The following ABCF2 variants were observed in gnomAD, a reference collection of about 807,000 sequenced individuals.
ABCF2 encodes ATP binding cassette subfamily F member 2, also known as ATP-binding cassette sub-family F member 2.
Under a neutral mutation model 76.9 loss-of-function variants are expected in ABCF2, and 37 were observed. That is an observed-to-expected ratio of 0.48 (90% CI 0.37 to 0.63). The LOEUF is 0.63. ABCF2 is among the 30% of genes least tolerant of loss of function. The probability of loss-of-function intolerance (pLI) is 0.00; values close to 1 mark genes in which losing one functional copy is unlikely to be tolerated. For synonymous variants in ABCF2, 299 were observed against 283.7 expected (o/e 1.05, Z -0.54); for missense variants, 524 against 782.1 (o/e 0.67, Z 3.94).
Position 151,216,051 on chromosome 7 carries a change from C to T in ABCF2, c.1339-22G>A, listed in dbSNP as rs148118733. ...GTAGCTAGGAAGAAAAAAGTAGAAA[C>T]GTAAGCATGAAACAAAGGAAGCCCA... On this transcript the variant is annotated intron_variant, in intron 11 of 14. Transcript: ENST00000287844. The T allele has an allele frequency of 9.0e-5, 144 of 1,608,920 alleles. No homozygotes were observed. In the African/African-American group the frequency reaches 9.8e-4, roughly 11 times the overall value.
chr7:151,225,258 G>A (rs1286846237), intron 2 of ABCF2, among the ~76,000 whole-genome samples: 1 of 152,122 alleles, frequency 6.6e-6, no homozygotes, highest in Non-Finnish European at 1.5e-5. Flanking sequence ...TGACTTTATT[G>A]CTCTTTCTAA....
Position 151,212,006 on chromosome 7 carries a change from TTCCC to T in ABCF2, c.*2044_*2047del. ...TTCTGGGCAGCTACTCACAAGAAAT[TTCCC>T]TCCTTTTTGAATACTTCTGTCTCCT... On this transcript the variant is annotated 3_prime_UTR_variant, in exon 15 of 15. Transcript: ENST00000287844. The T allele has an allele frequency of 2.1e-6, 2 of 964,660 alleles. No individual in the cohort carries two copies. Among genetic ancestry groups the T allele is most frequent in the Non-Finnish European group, 2.5e-6 (2 of 811,080 alleles). The allele number at this position is 964,660 out of a possible 1,614,324, so 59.8% of individuals were successfully genotyped here.
chr7:151,215,124 C>A lies in ABCF2; in HGVS notation c.1531-42G>T. The A allele has an allele frequency of 6.5e-7, 1 of 1,539,336 alleles. No homozygotes were observed. The highest frequency in any genetic ancestry group is 2.4e-5 in the East Asian group (1 of 42,516). On this transcript the variant is annotated intron_variant, in intron 13 of 14. Transcript: ENST00000287844. This position sits in a 1 kb window ranked among gnomAD's most constrained non-coding sequence, Gnocchi z 4.6. ...CCTACATATAACTTGGCATTATCCC[C>A]GCCAAACAGCACAGCTCATCTCTCC...
In ABCF2 at chr7:151,212,316, T is replaced by G; in HGVS notation, c.*1738A>C. 1 of 985,296 alleles carries G rather than the reference T, an allele frequency of 1.0e-6. No homozygotes were observed. Among genetic ancestry groups the G allele is most frequent in the South Asian group, 4.7e-5 (1 of 21,284 alleles). The allele number at this position is 985,296 out of a possible 1,614,324, so 61.0% of individuals were successfully genotyped here. ...AGATAAGGTATGCAGAGCCCTGGGC[T>G]GGAAGTGAATTCAACAGTGATGATA... On this transcript the variant is annotated 3_prime_UTR_variant, in exon 15 of 15. Transcript: ENST00000287844.
intron 5 of ABCF2, among the ~76,000 whole-genome samples, chr7:151,223,194 A>G (rs776528275): frequency 8.6e-5 from 13 of 152,044 alleles, no homozygotes; most frequent in Non-Finnish European, 1.3e-4. Flanking sequence ...TTCACAGAGA[A>G]TGATGGGGCA....
intron 2 of ABCF2, among the ~76,000 whole-genome samples, chr7:151,225,328 C>T (rs910779313): frequency 1.3e-5 from 2 of 152,160 alleles, no homozygotes; most frequent in Non-Finnish European, 2.9e-5. Flanking sequence ...GACTAATTCT[C>T]CTTTCCTCTT....
Position 151,212,091 on chromosome 7 carries a change from CT to C in ABCF2, c.*1962del. On this transcript the variant is annotated 3_prime_UTR_variant, in exon 15 of 15. Coordinates refer to ENST00000287844, the MANE Select transcript of ABCF2 (RefSeq NM_007189.3). Reference sequence around the variant, plus strand: ...GTCCTGTATGGTTCTGTCTTACTGGCTTTCCAAGAAGATCATGAGCTCCTAA... The same window carrying C: ...GTCCTGTATGGTTCTGTCTTACTGGCTTCCAAGAAGATCATGAGCTCCTAA... 1 of 974,532 alleles carries C rather than the reference CT, an allele frequency of 1.0e-6. No individual in the cohort carries two copies. The highest frequency in any genetic ancestry group is 1.2e-6 in the Non-Finnish European group (1 of 819,946). The allele number at this position is 974,532 out of a possible 1,614,324, so 60.4% of individuals were successfully genotyped here. A position where few individuals can be genotyped will look rare whatever the true frequency, so the allele number is the denominator to read the frequency against.
chr7:151,218,234 C>G (rs751134584), intron 10 of ABCF2, 43 bp from the exon 11 acceptor site: 9 of 1,386,562 alleles, frequency 6.5e-6, no homozygotes, highest in Non-Finnish European at 9.2e-6. Flanking sequence ...GGCTAGAATA[C>G]AGATCTGCTA....
At position 151,223,797 on chromosome 7, in the gene ABCF2, G is replaced by A. The variant is rs368501551; in HGVS notation, c.603C>T (p.Ala201=). 13 of 1,613,746 alleles carry A rather than the reference G, an allele frequency of 8.1e-6. No individual in the cohort carries two copies. Among genetic ancestry groups the A allele is most frequent in the African/African-American group, 4.0e-5 (3 of 74,916 alleles). Reference sequence around the variant, plus strand: ...GCGAGGCCCTCATCTCTGCCTTGTCGGCATCCAGCTCCTCCAGGCGCTCGT... The same window carrying A: ...GCGAGGCCCTCATCTCTGCCTTGTCAGCATCCAGCTCCTCCAGGCGCTCGT... ...ELYERLEELD[A]DKAEMRASRI... The change falls in exon 5 of 15, where the codon GCC becomes GCT. Residue 201 remains alanine (A), a synonymous_variant. Transcript: ENST00000287844.
In ABCF2 at chr7:151,215,207, GAGA is replaced by G; in HGVS notation, c.1531-128_1531-126del. On this transcript the variant is annotated intron_variant, in intron 13 of 14. Coordinates refer to ENST00000287844, the MANE Select transcript of ABCF2 (RefSeq NM_007189.3). The surrounding 1 kb of genome is among the most constrained non-coding windows in gnomAD (Gnocchi z 4.6). ...CCATTTATAAAAAGTGAGGCTCAGA[GAGA>G]CCCACTAGTCTCTTGAGGCCTGAAA... 2 of 960,362 alleles carry G rather than the reference GAGA, an allele frequency of 2.1e-6. No individual in the cohort carries two copies. Among genetic ancestry groups the G allele is most frequent in the Non-Finnish European group, 3.2e-6 (2 of 634,522 alleles). The allele number at this position is 960,362 out of a possible 1,614,324, so 59.5% of individuals were successfully genotyped here. A position where few individuals can be genotyped will look rare whatever the true frequency, so the allele number is the denominator to read the frequency against.
At position 151,219,130 on chromosome 7, in the gene ABCF2, C is replaced by A; in HGVS notation, c.951G>T (p.Arg317=). Residue 317 remains arginine (R), a synonymous_variant, in exon 8 of 15, where the codon CGG becomes CGT. Transcript: ENST00000287844. The stretch of plus-strand genomic sequence containing the variant: ...TCATCTGGTTCTCCTCCAGCTCTAG[C>A]CGCGTCTTCACGTACTGATCATAAT... ...TGNYDQYVKT[R]LELEENQMKR... is the part of the protein sequence containing the mutation. 6.2e-7 allele frequency: 1 copy of A among 1,614,054 alleles called. No individual in the cohort carries two copies. Among genetic ancestry groups the A allele is most frequent in the East Asian group, 2.2e-5 (1 of 44,868 alleles).
At position 151,211,926 on chromosome 7, in the gene ABCF2, GGCC is replaced by G; in HGVS notation, c.*2125_*2127del. ...GCCCAGGGCAGCTCCTGGACTTTGT[GGCC>G]ATCTGAGAAGATCCTACTCATTTTT... On this transcript the variant is annotated 3_prime_UTR_variant, in exon 15 of 15. Transcript: ENST00000287844. 1 of 985,366 alleles carries G rather than the reference GGCC, an allele frequency of 1.0e-6. No individual in the cohort carries two copies. Among genetic ancestry groups the G allele is most frequent in the East Asian group, 1.1e-4 (1 of 8,824 alleles). 61.0% of individuals were successfully genotyped at this position (985,366 alleles called of 1,614,324 possible).
chr7:151,213,480 C>T lies in ABCF2; in HGVS notation c.*574G>A. On this transcript the variant is annotated 3_prime_UTR_variant, in exon 15 of 15. Coordinates refer to ENST00000287844, the MANE Select transcript of ABCF2 (RefSeq NM_007189.3). ...TTGGCACTGCAGGGAGGAGAAGGCC[C>T]CAGAGACCCGAGAAGGAAGGTAGGG... 2.0e-6 allele frequency: 2 copies of T among 985,764 alleles called. No individual in the cohort carries two copies. Among genetic ancestry groups the T allele is most frequent in the South Asian group, 9.4e-5 (2 of 21,284 alleles). The allele number at this position is 985,764 out of a possible 1,614,324, so 61.1% of individuals were successfully genotyped here.
intron 4 of ABCF2, 32 bp downstream of exon 4, chr7:151,223,900 G>A (rs747124425): frequency 1.0e-5 from 16 of 1,606,190 alleles, no homozygotes; most frequent in Non-Finnish European, 9.4e-6. Flanking sequence ...CTGGGAGGAC[G>A]CCCACCCCTA....
intron 11 of ABCF2, among the ~76,000 whole-genome samples, chr7:151,217,753 T>C (rs911950524): frequency 3.4e-5 from 5 of 147,638 alleles, no homozygotes; most frequent in African/African-American, 5.0e-5. Flanking sequence ...AGATCGCACA[T>C]TGCACTCCAG....
In ABCF2 at chr7:151,215,175, A is replaced by G; in HGVS notation, c.1531-93T>C. The G allele has an allele frequency of 8.4e-7, 1 of 1,196,140 alleles. No individual in the cohort carries two copies. Among genetic ancestry groups the G allele is most frequent in the East Asian group, 2.6e-5 (1 of 39,114 alleles). The allele number at this position is 1,196,140 out of a possible 1,614,324, so 74.1% of individuals were successfully genotyped here. ...CTCATTTCTCCCTGACTCCTCCATT[A>G]GCATCGCCATTTATAAAAAGTGAGG... On this transcript the variant is annotated intron_variant, in intron 13 of 14. Transcript: ENST00000287844. This position sits in a 1 kb window ranked among gnomAD's most constrained non-coding sequence, Gnocchi z 4.6.
At position 151,213,941 on chromosome 7, in the gene ABCF2, C is replaced by T. The variant is rs1185858134; in HGVS notation, c.*113G>A. Reference sequence around the variant, plus strand: ...AGGGGCAGGGGAGAGGCTGGGGGAGCAGTATTGCAGCAATGCAGGAGTGTA... The same window carrying T: ...AGGGGCAGGGGAGAGGCTGGGGGAGTAGTATTGCAGCAATGCAGGAGTGTA... On this transcript the variant is annotated 3_prime_UTR_variant, in exon 15 of 15. Transcript: ENST00000287844. The T allele has an allele frequency of 2.0e-6, 3 of 1,514,504 alleles. No homozygotes were observed. The African/African-American group carries it at 4.2e-5, about 21-fold the overall frequency. The allele number at this position is 1,514,504 out of a possible 1,614,324, so 93.8% of individuals were successfully genotyped here. A position where few individuals can be genotyped will look rare whatever the true frequency, so the allele number is the denominator to read the frequency against.
chr7:151,218,628 G>T lies in ABCF2; in HGVS notation c.1160C>A (p.Pro387Gln). The change falls in exon 10 of 15, where the codon CCA becomes CAA. Residue 387 changes from proline (P) to glutamine (Q), a missense_variant. This residue lies in a region of ABCF2 where 194 missense variants were observed against 348.6 expected (regional missense o/e 0.56). Coordinates refer to ENST00000287844, the MANE Select transcript of ABCF2 (RefSeq NM_007189.3). ...SDKTLSFYFP[P>Q]CGKIPPPVIM... ...GACAGGTGGAGGGATCTTGCCACAT[G>T]GTGGGAAATAAAATGACAGTGTCTA... 6.2e-7 allele frequency: 1 copy of T among 1,613,998 alleles called. No individual in the cohort carries two copies. The highest frequency in any genetic ancestry group is 1.7e-5 in the Admixed American group (1 of 60,006).
chr7:151,215,085 G>T lies in ABCF2; in HGVS notation c.1531-3C>A. ...GACAAGTTCCGGATTGGGCTCACCT[G>T]AGTAGAACCGTGACCTACATATAAC... On this transcript the variant is annotated splice_polypyrimidine_tract_variant and splice_region_variant and intron_variant, in intron 13 of 14. Transcript: ENST00000287844. The surrounding 1 kb of genome is among the most constrained non-coding windows in gnomAD (Gnocchi z 4.6). The T allele has an allele frequency of 6.2e-7, 1 of 1,611,344 alleles. No individual in the cohort carries two copies. Among genetic ancestry groups the T allele is most frequent in the Non-Finnish European group, 8.5e-7 (1 of 1,178,622 alleles).
Sources: allele counts gnomAD v4.1 joint callset (sites outside exome capture counted in the v4.1 genomes callset), GRCh38; gene constraint gnomAD v4.1.1; regional missense constraint gnomAD v4.1.1; non-coding constraint Gnocchi (gnomAD v3.1); transcripts MANE v1.5; gene names NCBI Gene and HGNC (gene_info 2026-07-23, HGNC 2026-07-21).